C1QTNF1: variants seen among roughly 807,000 people sequenced by gnomAD.
C1QTNF1 encodes the protein C1q and TNF related 1.
In C1QTNF1, 22 loss-of-function variants were observed where a neutral mutation model predicts 27.8. The ratio of observed to expected loss-of-function variants is 0.79; its 90% CI spans 0.56 to 1.13. The LOEUF (loss-of-function observed/expected upper bound fraction) is 1.13, where lower values mean the gene tolerates loss of function less well. C1QTNF1 is among the 50% of genes most tolerant of loss of function. C1QTNF1 has a pLI of 0.00. For synonymous variants in C1QTNF1, 166 were observed against 154.3 expected, an observed-to-expected ratio of 1.08 and a Z score of -0.56; for missense variants, 373 against 380.2, an observed-to-expected ratio of 0.98 and a Z score of 0.16.
At chr17:79,026,225 G>A (rs141858832) in intron 1 of C1QTNF1, among the ~76,000 whole-genome samples, 132 of 151,806 alleles carry the variant, frequency 8.7e-4, no homozygotes, top group African/African-American at 3.0e-3. Context: ...GCCAAATCTC[G>A]GCTCACTGCA....
rs1438685845 is a variant in C1QTNF1 at position 79,048,128 on chromosome 17, C to T, written c.*40C>T. 2.0e-6 allele frequency: 3 copies of T among 1,489,228 alleles called. No individual in the cohort carries two copies. The highest frequency in any genetic ancestry group is 2.7e-6 in the Non-Finnish European group (3 of 1,126,050). 92.3% of individuals were successfully genotyped at this position (1,489,228 alleles called of 1,614,324 possible). ...CCTTTCCTCTCGCCACCTTCCACCCCTGCGCTGTGCTGACCCCACCGCCTC... is the reference window on the plus strand; with the variant it reads ...CCTTTCCTCTCGCCACCTTCCACCCTTGCGCTGTGCTGACCCCACCGCCTC... On this transcript the variant is annotated 3_prime_UTR_variant, in exon 4 of 4. Coordinates refer to ENST00000579760, the MANE Select transcript of C1QTNF1 (RefSeq NM_030968.5).
chr17:79,047,783 T>G lies in C1QTNF1; in HGVS notation c.541T>G (p.Phe181Val). 6.2e-7 allele frequency: 1 copy of G among 1,614,144 alleles called. No individual in the cohort carries two copies. The highest frequency in any genetic ancestry group is 8.5e-7 in the Non-Finnish European group (1 of 1,180,012). ...FVNLYDHFNM[F>V]TGKFYCYVPG... The stretch of plus-strand genomic sequence containing the variant: ...GAACCTCTACGACCACTTCAACATG[T>G]TCACCGGCAAGTTCTACTGCTACGT... Residue 181 changes from phenylalanine (F) to valine (V), a missense_variant, in exon 4 of 4, where the codon TTC becomes GTC. By Grantham distance (50) the Phe-to-Val change is conservative (BLOSUM62 -1). Coordinates refer to ENST00000579760, the MANE Select transcript of C1QTNF1 (RefSeq NM_030968.5).
chr17:79,023,638 C>T (rs2071830599), upstream of C1QTNF1, among the ~76,000 whole-genome samples: 1 of 152,082 alleles, frequency 6.6e-6, no homozygotes, highest in Non-Finnish European at 1.5e-5. Flanking sequence ...ACCTTTAGAT[C>T]ACAGAGCTCT....
At position 79,024,292 on chromosome 17, in the gene C1QTNF1, A is replaced by C. The variant is rs958207155; in HGVS notation, c.-217A>C. Reference sequence around the variant, plus strand: ...CTCGGAGACCGCGCCGGGGAGACGGAGGTGCTGTGGGTGGGGGGGACCTGT... The same window carrying C: ...CTCGGAGACCGCGCCGGGGAGACGGCGGTGCTGTGGGTGGGGGGGACCTGT... On this transcript the variant is annotated 5_prime_UTR_variant, in exon 1 of 4. Coordinates refer to ENST00000579760, the MANE Select transcript of C1QTNF1 (RefSeq NM_030968.5). 5 of 152,098 alleles carry C rather than the reference A, an allele frequency of 3.3e-5. No homozygotes were observed. Among genetic ancestry groups the C allele is most frequent in the Admixed American group, 2.0e-4 (3 of 15,282 alleles). The allele number at this position is 152,098 out of a possible 1,614,324, so 9.4% of individuals were successfully genotyped here.
intron 1 of C1QTNF1, among the ~76,000 whole-genome samples, chr17:79,030,510 TTTCTTTCTTTCTTTCTTTC>T (rs2072108105): frequency 7.0e-6 from 1 of 142,924 alleles, no homozygotes; most frequent in Non-Finnish European, 1.5e-5. Context: ...TCTTTCTTTC[TTTCTTTCTTTCTTTCTTTC>T]TTCTTTCTTT....
Position 79,049,323 on chromosome 17 carries a change from C to T in C1QTNF1, c.*1235C>T, listed in dbSNP as rs908383829. ...CAGAGTCAAGAGGAAGTACACGTCC[C>T]AATCACCCGTGTCAGGATTCACTCT... On this transcript the variant is annotated 3_prime_UTR_variant, in exon 4 of 4. Coordinates refer to ENST00000579760, the MANE Select transcript of C1QTNF1 (RefSeq NM_030968.5). The surrounding 1 kb of genome is among the most constrained non-coding windows in gnomAD (Gnocchi z 4.4). 2.0e-5 allele frequency: 3 copies of T among 152,422 alleles called. No individual in the cohort carries two copies. In the South Asian group the frequency reaches 6.2e-4, roughly 32 times the overall value. 9.4% of individuals were successfully genotyped at this position (152,422 alleles called of 1,614,324 possible).
At chr17:79,026,131 TG>T (rs1289717408) in intron 1 of C1QTNF1, among the ~76,000 whole-genome samples, 1 of 152,014 alleles carries the variant, frequency 6.6e-6, no homozygotes, top group Non-Finnish European at 1.5e-5. Context: ...GACTCCAATC[TG>T]TGTCTTTATC....
In C1QTNF1 at chr17:79,044,023, G is replaced by T; in HGVS notation, c.55G>T (p.Ala19Ser). The part of the protein sequence containing the change: ...LLAYCLLLAF[A>S]SGLVLSRVPH... ...GGCGTACTGCCTGCTCCTTGCCTTTGCCTCTGGCCTGGTCCTGAGTCGTGT... is the reference window on the plus strand; with the variant it reads ...GGCGTACTGCCTGCTCCTTGCCTTTTCCTCTGGCCTGGTCCTGAGTCGTGT... The change falls in exon 2 of 4, where the codon GCC (alanine) becomes TCC (serine). Residue 19 changes from alanine to serine, a missense_variant. By Grantham distance (99) the Ala-to-Ser change is moderately conservative. Coordinates refer to ENST00000579760, the MANE Select transcript of C1QTNF1 (RefSeq NM_030968.5). The T allele has an allele frequency of 6.2e-7, 1 of 1,614,194 alleles. No individual in the cohort carries two copies. The highest frequency in any genetic ancestry group is 8.5e-7 in the Non-Finnish European group (1 of 1,180,024).
At chr17:79,041,353 C>T (rs1034175235) in intron 1 of C1QTNF1, among the ~76,000 whole-genome samples, 1 of 151,900 alleles carries the variant, frequency 6.6e-6, no homozygotes, top group African/African-American at 2.4e-5. Context: ...GAGAGAGGTT[C>T]GGGGGGGCCA....
intron 1 of C1QTNF1, chr17:79,025,976 A>G (rs971793931): frequency 9.0e-6 from 3 of 334,476 alleles, no homozygotes; most frequent in Admixed American, 6.4e-5. Context: ...GCTCAACATT[A>G]TATTAATAAT....
intron 2 of C1QTNF1, among the ~76,000 whole-genome samples, chr17:79,045,462 G>C (rs1223222716): frequency 6.6e-6 from 1 of 152,218 alleles, no homozygotes; most frequent in Non-Finnish European, 1.5e-5. Context: ...GAGAGGATGA[G>C]CTGGTGCGGG....
chr17:79,030,473 TTCTTTCTTTC>T (rs2072099029), intron 1 of C1QTNF1, among the ~76,000 whole-genome samples: 2 of 117,018 alleles, frequency 1.7e-5, no homozygotes, highest in Non-Finnish European at 3.6e-5. Context: ...CTTTCTTTCT[TTCTTTCTTTC>T]TTTTTCTTTC....
chr17:79,047,910 C>T lies in C1QTNF1; in HGVS notation c.668C>T (p.Ala223Val), dbSNP rs778432442. 8.1e-6 allele frequency: 13 copies of T among 1,614,110 alleles called. No homozygotes were observed. The highest frequency in any genetic ancestry group is 7.7e-5 in the South Asian group (7 of 91,078). ...KNEEEVVILF[A>V]QVGDRSIMQS... ...GAGGAGGAGGTGGTGATCTTGTTCGCGCAGGTGGGCGACCGCAGCATCATG... is the reference window on the plus strand; with the variant it reads ...GAGGAGGAGGTGGTGATCTTGTTCGTGCAGGTGGGCGACCGCAGCATCATG... Residue 223 changes from alanine (A) to valine (V), a missense_variant, in exon 4 of 4, where the codon GCG (alanine) becomes GTG (valine). Physicochemically the swap from Ala to Val is moderately conservative, Grantham distance 64. Coordinates refer to ENST00000579760, the MANE Select transcript of C1QTNF1 (RefSeq NM_030968.5).
chr17:79,039,088 C>T (rs1390595863), intron 1 of C1QTNF1, among the ~76,000 whole-genome samples: 1 of 152,206 alleles, frequency 6.6e-6, no homozygotes, highest in Non-Finnish European at 1.5e-5. Flanking sequence ...TCCTGGACCC[C>T]GTCTCTTCTG....
chr17:79,048,278 G>T lies in C1QTNF1; in HGVS notation c.*190G>T. 2 of 636,200 alleles carry T rather than the reference G, an allele frequency of 3.1e-6. No homozygotes were observed. Among genetic ancestry groups the T allele is most frequent in the Non-Finnish European group, 5.1e-6 (2 of 390,066 alleles). 39.4% of individuals were successfully genotyped at this position (636,200 alleles called of 1,614,324 possible). A position where few individuals can be genotyped will look rare whatever the true frequency, so the allele number is the denominator to read the frequency against. On this transcript the variant is annotated 3_prime_UTR_variant, in exon 4 of 4. Coordinates refer to ENST00000579760, the MANE Select transcript of C1QTNF1 (RefSeq NM_030968.5). ...CCTCTGGAGAGAGCTGACGGCAGAT[G>T]AAATCACCAGGGCGGGGCACCCGCG...
chr17:79,043,063 ATG>A (rs936516068), intron 1 of C1QTNF1, among the ~76,000 whole-genome samples: 200 of 142,162 alleles, frequency 1.4e-3, no homozygotes, highest in African/African-American at 5.5e-3. Flanking sequence ...TGTGGGTTGC[ATG>A]TGTGTGTGGG....
At chr17:79,029,825 T>C (rs1281896351) in intron 1 of C1QTNF1, among the ~76,000 whole-genome samples, 2 of 152,192 alleles carry the variant, frequency 1.3e-5, no homozygotes, top group African/African-American at 4.8e-5. Context: ...CCACCTGTGC[T>C]GTTCCTGGTC....
chr17:79,045,501 A>G (rs2072544883), intron 2 of C1QTNF1, among the ~76,000 whole-genome samples: 1 of 152,150 alleles, frequency 6.6e-6, no homozygotes, highest in South Asian at 2.1e-4. Context: ...GAGAGTCGAA[A>G]TGGCAGGGGT....
intron 1 of C1QTNF1, among the ~76,000 whole-genome samples, chr17:79,030,743 G>A (rs1835842057): frequency 6.6e-6 from 1 of 151,776 alleles, no homozygotes; most frequent in Non-Finnish European, 1.5e-5. Flanking sequence ...GGGATTTTAG[G>A]CACACGCCAC....
Sources: gnomAD v4.1 joint callset for allele counts (sites outside exome capture counted in the v4.1 genomes callset) on GRCh38, gnomAD v4.1.1 for gene constraint, Gnocchi (gnomAD v3.1) non-coding constraint, MANE v1.5 for transcripts, NCBI Gene and HGNC (gene_info 2026-07-23, HGNC 2026-07-21) for gene names.